DTD1: variants seen among roughly 807,000 people sequenced by gnomAD.
DTD1 encodes D-aminoacyl-tRNA deacylase 1.
Under a neutral mutation model 25.6 loss-of-function variants are expected in DTD1, and 13 were observed. The ratio of observed to expected loss-of-function variants is 0.51; its 90% CI spans 0.33 to 0.81. DTD1 has a LOEUF of 0.81. Among genes scored for constraint, DTD1 ranks in the 30% least tolerant of loss-of-function variants. The pLI, the probability that DTD1 is intolerant of heterozygous loss-of-function variation, is 0.02. For missense variants in DTD1, 193 were observed against 266.4 expected, an observed-to-expected ratio of 0.72 and a Z score of 1.92; for synonymous variants, 110 against 103.6, an observed-to-expected ratio of 1.06 and a Z score of -0.37.
At chr20:18,737,580 C>T (rs911010) in intron 4 of DTD1, among the ~76,000 whole-genome samples, 3,307 of 152,320 alleles carry the variant, frequency 0.022, 56 homozygotes, top group South Asian at 0.046. Context: ...TGCTCCCTCA[C>T]TCTGATCTGC....
intron 4 of DTD1, among the ~76,000 whole-genome samples, chr20:18,654,213 G>T (rs766348597): frequency 2.6e-5 from 4 of 152,232 alleles, no homozygotes; most frequent in Admixed American, 1.3e-4. Context: ...CAGTGGGAGG[G>T]TTTTCCTGTG....
At chr20:18,727,997 A>G (rs1202502957) in intron 4 of DTD1, among the ~76,000 whole-genome samples, 2 of 152,152 alleles carry the variant, frequency 1.3e-5, no homozygotes, top group Non-Finnish European at 1.5e-5. Flanking sequence ...CAGGGAGCTT[A>G]GGTGAGAAGG....
Position 18,708,328 on chromosome 20 carries a change from A to C in DTD1, c.478-35772A>C, listed in dbSNP as rs1255018818. Among the ~76,000 whole-genome samples, 30 of 50,678 alleles carry C rather than the reference A, an allele frequency of 5.9e-4. 2 individuals are homozygous for C. Among genetic ancestry groups the C allele is most frequent in the Admixed American group, 4.5e-3 (15 of 3,332 alleles). 33.2% of individuals were successfully genotyped at this position (50,678 alleles called of 152,430 possible). A position where few individuals can be genotyped will look rare whatever the true frequency, so the allele number is the denominator to read the frequency against. The stretch of plus-strand genomic sequence containing the variant: ...TATATTTTATATATATATTATATAT[A>C]TATATTTTATATATATATTATATAT... On this transcript the variant is annotated intron_variant, in intron 4 of 5. Transcript: ENST00000377452.
intron 4 of DTD1, among the ~76,000 whole-genome samples, chr20:18,672,060 C>G (rs2060952883): frequency 6.6e-6 from 1 of 151,910 alleles, no homozygotes; most frequent in African/African-American, 2.4e-5. Flanking sequence ...ATAGGGAGAC[C>G]CCATCTCTAC....
At chr20:18,676,485 C>T (rs527833052) in intron 4 of DTD1, among the ~76,000 whole-genome samples, 1 of 152,204 alleles carries the variant, frequency 6.6e-6, no homozygotes, top group Non-Finnish European at 1.5e-5. Flanking sequence ...TTGCAACTGC[C>T]AGGCAACTCA....
At chr20:18,742,707 ACCACTACTATAAGT>A (rs1386804689) in intron 4 of DTD1, among the ~76,000 whole-genome samples, 2 of 152,248 alleles carry the variant, frequency 1.3e-5, no homozygotes, top group African/African-American at 4.8e-5. Flanking sequence ...AATGTTGGGG[ACCACTACTATAAGT>A]CAATTATTAA....
intron 4 of DTD1, among the ~76,000 whole-genome samples, chr20:18,730,175 C>T (rs1342239067): frequency 6.6e-6 from 1 of 152,148 alleles, no homozygotes; most frequent in Admixed American, 6.5e-5. Context: ...TCAATCTGTA[C>T]AGAATATGTC....
At chr20:18,615,889 A>C (rs1054001292) in intron 3 of DTD1, among the ~76,000 whole-genome samples, 3 of 152,206 alleles carry the variant, frequency 2.0e-5, no homozygotes, top group Non-Finnish European at 4.4e-5. Flanking sequence ...GCAAAGAGAA[A>C]GTGCCAGGAG....
chr20:18,626,583 AGT>A (rs2060759456), intron 3 of DTD1, among the ~76,000 whole-genome samples: 1 of 151,804 alleles, frequency 6.6e-6, no homozygotes, highest in African/African-American at 2.4e-5. Context: ...CTTTTGTGTG[AGT>A]GTGTGTTTTT....
chr20:18,727,734 A>G (rs2061227338), intron 4 of DTD1, among the ~76,000 whole-genome samples: 1 of 152,162 alleles, frequency 6.6e-6, no homozygotes, highest in African/African-American at 2.4e-5. Flanking sequence ...CATTCCATGT[A>G]AAGGAGGGCA....
intron 3 of DTD1, among the ~76,000 whole-genome samples, chr20:18,608,020 TTTC>T (rs1169651700): frequency 6.6e-6 from 1 of 152,190 alleles, no homozygotes; most frequent in Non-Finnish European, 1.5e-5. Flanking sequence ...AGCCTGTCTA[TTTC>T]TTCTTGTGAG....
chr20:18,612,033 GTTTTTTTTT>G (rs57848248), intron 3 of DTD1, among the ~76,000 whole-genome samples: 2 of 96,680 alleles, frequency 2.1e-5, no homozygotes, highest in African/African-American at 4.1e-5. Context: ...TAATTTTTGT[GTTTTTTTTT>G]TTTTTTTTTT....
At chr20:18,663,368 T>A (rs948130076) in intron 4 of DTD1, among the ~76,000 whole-genome samples, 16 of 143,896 alleles carry the variant, frequency 1.1e-4, no homozygotes, top group African/African-American at 4.4e-4. Flanking sequence ...AAAAAAAAAA[T>A]ATACAAAGTT....
intron 4 of DTD1, among the ~76,000 whole-genome samples, chr20:18,634,068 G>A (rs186996818): frequency 6.6e-6 from 1 of 152,342 alleles, no homozygotes; most frequent in Non-Finnish European, 1.5e-5. Context: ...TTTGCCTGGT[G>A]CATTTTTTGC....
chr20:18,669,494 C>T (rs1013802830), intron 4 of DTD1, among the ~76,000 whole-genome samples: 1 of 152,178 alleles, frequency 6.6e-6, no homozygotes, highest in Non-Finnish European at 1.5e-5. Flanking sequence ...TCGGATCAGG[C>T]TCTTGGGATC....
chr20:18,714,649 C>T (rs190775823), intron 4 of DTD1, among the ~76,000 whole-genome samples: 131 of 152,258 alleles, frequency 8.6e-4, no homozygotes, highest in Middle Eastern at 3.4e-3. Context: ...TCAAGGCCAT[C>T]GTCTAAGTGG....
At chr20:18,729,827 G>C (rs62217027) in intron 4 of DTD1, among the ~76,000 whole-genome samples, 49,569 of 151,942 alleles carry the variant, frequency 0.33, 8,471 homozygotes, top group Non-Finnish European at 0.38. Context: ...CCTGCCCCTG[G>C]CCGGGAATGA....
intron 4 of DTD1, among the ~76,000 whole-genome samples, chr20:18,632,841 G>A (rs2060793817): frequency 6.6e-6 from 1 of 152,100 alleles, no homozygotes; most frequent in Non-Finnish European, 1.5e-5. Flanking sequence ...GTATGTGTGT[G>A]TGTATATGTG....
intron 3 of DTD1, among the ~76,000 whole-genome samples, chr20:18,622,942 A>ATTTTTTTTGTTTTTTTTTTTTTTT: frequency 7.7e-6 from 1 of 129,756 alleles, no homozygotes; most frequent in Non-Finnish European, 1.6e-5. Flanking sequence ...ATTTTATAGA[A>ATTTTTTTTGTTTTTTTTTTTTTTT]TTTTTTTTTT....
Sources: allele counts gnomAD v4.1 joint callset (sites outside exome capture counted in the v4.1 genomes callset), GRCh38; gene constraint gnomAD v4.1.1; transcripts MANE v1.5; gene names NCBI Gene and HGNC (gene_info 2026-07-23, HGNC 2026-07-21).